SCLY: variants seen among roughly 807,000 people sequenced by gnomAD.
The protein encoded by SCLY is putative selenocysteine lyase.
A neutral mutation model predicts 50.1 loss-of-function variants in SCLY; 38 were observed. That is an observed-to-expected ratio of 0.76 (90% CI 0.59 to 0.99). The LOEUF (loss-of-function observed/expected upper bound fraction) is 0.99. SCLY is among the 50% of genes least tolerant of loss of function. SCLY has a pLI of 0.00. For synonymous variants in SCLY, 243 were observed against 249.4 expected (o/e 0.97, Z 0.24); for missense variants, 600 against 620.0 (o/e 0.97, Z 0.34).
intron 4 of SCLY, among the ~76,000 whole-genome samples, chr2:238,077,772 G>A (rs2065188132): frequency 6.6e-6 from 1 of 152,144 alleles, no homozygotes; most frequent in African/African-American, 2.4e-5. Context: ...CTTGCCACCT[G>A]CCTGCTCCTG....
At chr2:238,097,748 C>T (rs574972873) in intron 11 of SCLY, among the ~76,000 whole-genome samples, 23 of 152,244 alleles carry the variant, frequency 1.5e-4, no homozygotes, top group Admixed American at 4.6e-4. Context: ...GATGTCCCCA[C>T]GCAGTCATCT....
At chr2:238,063,551 C>T (rs2065039540) in intron 1 of SCLY, among the ~76,000 whole-genome samples, 1 of 152,124 alleles carries the variant, frequency 6.6e-6, no homozygotes, top group Non-Finnish European at 1.5e-5. Flanking sequence ...AGCTGCAGGG[C>T]AGGGGGTCTC....
Position 238,069,224 on chromosome 2 carries a change from T to C in SCLY, c.304-73T>C. ...GATGTTAGCCACAAAAGAAATTAAGTAACAGAAATTGTTGCTCTGACCCTT... is the reference window on the plus strand; with the variant it reads ...GATGTTAGCCACAAAAGAAATTAAGCAACAGAAATTGTTGCTCTGACCCTT... On this transcript the variant is annotated intron_variant, in intron 3 of 11. Coordinates refer to ENST00000254663, the MANE Select transcript of SCLY (RefSeq NM_016510.7). This position sits in a 1 kb window ranked among gnomAD's most constrained non-coding sequence, Gnocchi z 5.0. 1 of 1,348,200 alleles carries C rather than the reference T, an allele frequency of 7.4e-7. No individual in the cohort carries two copies. The highest frequency in any genetic ancestry group is 1.0e-6 in the Non-Finnish European group (1 of 986,566). The allele number at this position is 1,348,200 out of a possible 1,614,324, so 83.5% of individuals were successfully genotyped here.
intron 5 of SCLY, 54 bp downstream of exon 5, chr2:238,081,890 T>C: frequency 6.3e-7 from 1 of 1,595,972 alleles, no homozygotes. Flanking sequence ...GAACAGCAGC[T>C]TAGACTCATG....
chr2:238,061,189 C>T (rs1176253424), intron 1 of SCLY, 46 bp downstream of exon 1: 6 of 1,372,294 alleles, frequency 4.4e-6, no homozygotes, highest in Non-Finnish European at 6.0e-6. Flanking sequence ...GCGCCTGTCG[C>T]CGATTGTCCC....
intron 4 of SCLY, among the ~76,000 whole-genome samples, chr2:238,074,576 T>C (rs1489466888): frequency 6.6e-6 from 1 of 151,942 alleles, no homozygotes; most frequent in East Asian, 1.9e-4. Context: ...CTCTGCCTCC[T>C]GGGTTCAAGC....
At position 238,069,431 on chromosome 2, in the gene SCLY, C is replaced by CTCCA. The variant is rs747828940; in HGVS notation, c.442_445dup (p.Arg149HisfsTer52). The CTCCA allele has an allele frequency of 6.2e-7, 1 of 1,613,876 alleles. No homozygotes were observed. Among genetic ancestry groups the CTCCA allele is most frequent in the African/African-American group, 1.3e-5 (1 of 75,064 alleles). On this transcript the variant is annotated frameshift_variant, in exon 4 of 12. Coordinates refer to ENST00000254663, the MANE Select transcript of SCLY (RefSeq NM_016510.7). LOFTEE classifies it high-confidence loss of function. The surrounding 1 kb of genome is among the most constrained non-coding windows in gnomAD (Gnocchi z 5.0). ...TCATTACTTCCTCGGTGGAACACGA[C>CTCCA]TCCATCCGGCTGCCCCTGGAGCACC...
Position 238,061,084 on chromosome 2 carries a change from T to A in SCLY, c.30T>A (p.Asp10Glu). 7.2e-7 allele frequency: 1 copy of A among 1,397,224 alleles called. No homozygotes were observed. Among genetic ancestry groups the A allele is most frequent in the Non-Finnish European group, 9.2e-7 (1 of 1,087,054 alleles). The allele number at this position is 1,397,224 out of a possible 1,614,324, so 86.6% of individuals were successfully genotyped here. The change falls in exon 1 of 12, where the codon GAT becomes GAA. Residue 10 changes from aspartate to glutamate, a missense_variant. Physicochemically the swap from Asp to Glu is conservative, Grantham distance 45 (BLOSUM62 2). Transcript: ENST00000254663. MEAAVAPGR[D>E]APAPAASQPS... is the part of the protein sequence containing the mutation. Reference sequence around the variant, plus strand: ...AGGCGGCCGTGGCGCCGGGGAGGGATGCGCCGGCACCCGCGGCGAGTCAGC... The same window carrying A: ...AGGCGGCCGTGGCGCCGGGGAGGGAAGCGCCGGCACCCGCGGCGAGTCAGC...
intron 3 of SCLY, 36 bp downstream of exon 3, chr2:238,068,201 G>T: frequency 2.2e-6 from 3 of 1,351,730 alleles, no homozygotes; most frequent in Non-Finnish European, 3.1e-6. Flanking sequence ...TCTGTTAACT[G>T]TAAGTTATAA....
In SCLY at chr2:238,068,109, G is replaced by T. The variant is rs1476632784; in HGVS notation, c.247G>T (p.Ala83Ser). 1 of 1,612,230 alleles carries T rather than the reference G, an allele frequency of 6.2e-7. No homozygotes were observed. Among genetic ancestry groups the T allele is most frequent in the African/African-American group, 1.3e-5 (1 of 74,978 alleles). ...TATAAATGCAGCTCGGGAAAGCCTC[G>T]CGAAGATGATAGGGGGGAAACCTCA... ...DIINAARESL[A>S]KMIGGKPQDI... Residue 83 changes from alanine to serine, a missense_variant, in exon 3 of 12, where the codon GCG (alanine) becomes TCG (serine). By Grantham distance (99) the Ala-to-Ser change is moderately conservative. Coordinates refer to ENST00000254663, the MANE Select transcript of SCLY (RefSeq NM_016510.7).
At chr2:238,068,903 A>T (rs1338445384) in intron 3 of SCLY, among the ~76,000 whole-genome samples, 1 of 152,204 alleles carries the variant, frequency 6.6e-6, no homozygotes, top group African/African-American at 2.4e-5. Flanking sequence ...CATTTGGTAG[A>T]TGTGATAAAT....
At position 238,098,648 on chromosome 2, in the gene SCLY, G is replaced by GGAACGCCCACATAGAACCGTCCACATGT; in HGVS notation, c.*295_*296insACGCCCACATAGAACCGTCCACATGTGA. 2.3e-6 allele frequency: 1 copy of GGAACGCCCACATAGAACCGTCCACATGT among 427,090 alleles called. No individual in the cohort carries two copies. Among genetic ancestry groups the GGAACGCCCACATAGAACCGTCCACATGT allele is most frequent in the Non-Finnish European group, 4.2e-6 (1 of 237,276 alleles). 26.5% of individuals were successfully genotyped at this position (427,090 alleles called of 1,614,324 possible). ...CCGCCCACATGGGACCGCCCACATG[G>GGAACGCCCACATAGAACCGTCCACATGT]GACCGCCCACATAGAACCGTCCTCC... On this transcript the variant is annotated 3_prime_UTR_variant, in exon 12 of 12. Coordinates refer to ENST00000254663, the MANE Select transcript of SCLY (RefSeq NM_016510.7).
intron 7 of SCLY, among the ~76,000 whole-genome samples, chr2:238,086,815 T>G: frequency 6.7e-6 from 1 of 149,866 alleles, no homozygotes. Flanking sequence ...AGGTCAGGAG[T>G]TTGAGACCAG....
intron 4 of SCLY, among the ~76,000 whole-genome samples, chr2:238,077,953 C>CTTT (rs368187450): frequency 2.9e-5 from 4 of 138,314 alleles, no homozygotes; most frequent in Admixed American, 7.1e-5. Flanking sequence ...TGTAGATTCT[C>CTTT]TTTTTTTTTT....
At position 238,096,963 on chromosome 2, in the gene SCLY, G is replaced by A. The variant is rs2065444075; in HGVS notation, c.1184+87G>A. On this transcript the variant is annotated intron_variant, in intron 11 of 11. Transcript: ENST00000254663. ...GGCAGGCGGCAGGATCCGGCCACTG[G>A]GCCGCACTCTGGCTGGTGAAGGACA... The A allele has an allele frequency of 2.3e-6, 3 of 1,302,676 alleles. No individual in the cohort carries two copies. The African/African-American group carries it at 4.5e-5, about 19-fold the overall frequency. The allele number at this position is 1,302,676 out of a possible 1,614,324, so 80.7% of individuals were successfully genotyped here.
chr2:238,084,893 CAAA>C (rs377025100), intron 7 of SCLY, among the ~76,000 whole-genome samples: 1,078 of 107,498 alleles, frequency 0.01, 26 homozygotes, highest in East Asian at 0.088. Flanking sequence ...GACTCCATCT[CAAA>C]AAAAAAAAAA....
At chr2:238,090,121 C>G (rs1284630718) in intron 7 of SCLY, among the ~76,000 whole-genome samples, 6 of 152,022 alleles carry the variant, frequency 3.9e-5, no homozygotes, top group African/African-American at 1.4e-4. Flanking sequence ...AAAATATAAA[C>G]AGACATTTCA....
chr2:238,076,264 G>C lies in SCLY; in HGVS notation c.485-5445G>C, dbSNP rs1357725762. On this transcript the variant is annotated intron_variant, in intron 4 of 11. Coordinates refer to ENST00000254663, the MANE Select transcript of SCLY (RefSeq NM_016510.7). ...GCACCACCACATCTGGCTAATTTTTGTACTTTTAATAGAGACGGGGTTTTG... is the reference window on the plus strand; with the variant it reads ...GCACCACCACATCTGGCTAATTTTTCTACTTTTAATAGAGACGGGGTTTTG... Among the ~76,000 whole-genome samples, 3 of 151,922 alleles carry C rather than the reference G, an allele frequency of 2.0e-5. No homozygotes were observed. The East Asian group carries it at 5.8e-4, about 29-fold the overall frequency.
At chr2:238,086,855 A>C (rs560720713) in intron 7 of SCLY, among the ~76,000 whole-genome samples, 1 of 152,188 alleles carries the variant, frequency 6.6e-6, no homozygotes, top group African/African-American at 2.4e-5. Context: ...CCCCATCTCT[A>C]CTAAAAATAT....
Sources: allele counts gnomAD v4.1 joint callset (sites outside exome capture counted in the v4.1 genomes callset), GRCh38; gene constraint gnomAD v4.1.1; non-coding constraint Gnocchi (gnomAD v3.1); transcripts MANE v1.5; gene names NCBI Gene and HGNC (gene_info 2026-07-23, HGNC 2026-07-21).